PTPRN2: variants seen among roughly 807,000 people sequenced by gnomAD.
PTPRN2 encodes the protein receptor-type tyrosine-protein phosphatase N2.
In PTPRN2, 74 loss-of-function variants were observed where a neutral mutation model predicts 118.8. The observed-to-expected ratio is 0.62, with a 90% CI of 0.52 to 0.76. PTPRN2 has a LOEUF of 0.76. Ranked by LOEUF, PTPRN2 falls within the 30% of genes least tolerant of loss-of-function variation. PTPRN2 has a pLI of 0.00. For missense variants in PTPRN2, 1,481 were observed against 1,394.4 expected (o/e 1.06, Z -0.99); for synonymous variants, 641 against 608.0 (o/e 1.05, Z -0.80).
At chr7:157,554,644 A>T (rs1256980000) in intron 21 of PTPRN2, among the ~76,000 whole-genome samples, 1 of 152,254 alleles carries the variant, frequency 6.6e-6, no homozygotes, top group Non-Finnish European at 1.5e-5. Context: ...GTTAAATTCC[A>T]GGGAAACAGA....
intron 2 of PTPRN2, among the ~76,000 whole-genome samples, chr7:158,483,971 C>T (rs771606560): frequency 6.6e-6 from 1 of 151,910 alleles, no homozygotes; most frequent in Non-Finnish European, 1.5e-5. Flanking sequence ...GACTCCATCA[C>T]TGCAAAAAAA....
intron 12 of PTPRN2, among the ~76,000 whole-genome samples, chr7:157,704,436 G>A (rs1399342318): frequency 6.6e-6 from 1 of 152,208 alleles, no homozygotes; most frequent in Non-Finnish European, 1.5e-5. Flanking sequence ...ATAGGATTAA[G>A]TAACACAAAT....
intron 3 of PTPRN2, among the ~76,000 whole-genome samples, chr7:158,232,105 T>G (rs1053155627): frequency 2.0e-5 from 3 of 151,392 alleles, no homozygotes; most frequent in Non-Finnish European, 3.0e-5. Context: ...AGGAAAGAAA[T>G]AATACAAATC....
At chr7:158,088,045 G>C (rs1396341048) in intron 10 of PTPRN2, among the ~76,000 whole-genome samples, 1 of 93,470 alleles carries the variant, frequency 1.1e-5, no homozygotes, top group African/African-American at 3.2e-5. Context: ...TTCTTCCCCT[G>C]ATGAAGGAGG....
chr7:157,848,841 G>T (rs114405755), intron 12 of PTPRN2, among the ~76,000 whole-genome samples: 1 of 152,198 alleles, frequency 6.6e-6, no homozygotes, highest in Non-Finnish European at 1.5e-5. Context: ...CAGCAGCCCC[G>T]ACGCCTCTGC....
chr7:158,142,031 G>A (rs538573069), intron 6 of PTPRN2, among the ~76,000 whole-genome samples: 6 of 152,298 alleles, frequency 3.9e-5, no homozygotes, highest in South Asian at 2.1e-4. Flanking sequence ...AGACAGTGGC[G>A]GCTTCTTTAC....
In PTPRN2 at chr7:158,574,461, T is replaced by C. The variant is rs1265591098; in HGVS notation, c.112+13097A>G. Among the ~76,000 whole-genome samples the C allele has an allele frequency of 6.6e-6, 1 of 152,216 alleles. No homozygotes were observed. The highest frequency in any genetic ancestry group is 1.5e-5 in the Non-Finnish European group (1 of 68,034). Reference sequence around the variant, plus strand: ...TCCGGTAAATAAATGCACATTTCTGTTGGTGGCGCCATCAGACACTGAGAC... The same window carrying C: ...TCCGGTAAATAAATGCACATTTCTGCTGGTGGCGCCATCAGACACTGAGAC... On this transcript the variant is annotated intron_variant, in intron 1 of 22. Transcript: ENST00000389418. This position sits in a 1 kb window ranked among gnomAD's most constrained non-coding sequence, Gnocchi z 4.6.
chr7:158,168,382 A>C (rs1178758090), intron 5 of PTPRN2, among the ~76,000 whole-genome samples: 1 of 152,188 alleles, frequency 6.6e-6, no homozygotes, highest in Non-Finnish European at 1.5e-5. Flanking sequence ...CTGGTGGCTA[A>C]TGATGCTGCA....
intron 12 of PTPRN2, among the ~76,000 whole-genome samples, chr7:157,795,279 G>T (rs1460486588): frequency 2.6e-5 from 4 of 151,966 alleles, no homozygotes; most frequent in Admixed American, 2.6e-4. Context: ...TTTGGCAGGA[G>T]GGAGGGTGCT....
chr7:158,231,211 G>A (rs1029482555), intron 3 of PTPRN2, among the ~76,000 whole-genome samples: 3 of 152,156 alleles, frequency 2.0e-5, no homozygotes, highest in African/African-American at 4.8e-5. Flanking sequence ...AGCCTGCAGT[G>A]AGCCATGATC....
At chr7:157,595,092 G>A in intron 17 of PTPRN2, 146 bp downstream of exon 17, 1 of 749,168 alleles carries the variant, frequency 1.3e-6, no homozygotes, top group Non-Finnish European at 2.2e-6. Context: ...TAAAAAATAT[G>A]AACAGACTGA....
chr7:158,415,312 C>T (rs1814563756), intron 2 of PTPRN2, among the ~76,000 whole-genome samples: 1 of 152,210 alleles, frequency 6.6e-6, no homozygotes, highest in South Asian at 2.1e-4. Context: ...TTCAAGAAAC[C>T]CTCCTGCTTT....
intron 2 of PTPRN2, among the ~76,000 whole-genome samples, chr7:158,320,842 C>T (rs1204162150): frequency 2.0e-5 from 3 of 152,166 alleles, no homozygotes; most frequent in Non-Finnish European, 2.9e-5. Context: ...AGGTTCGCTG[C>T]TACCTGCTTG....
At chr7:157,593,400 A>G (rs1259144737) in intron 17 of PTPRN2, among the ~76,000 whole-genome samples, 1 of 152,254 alleles carries the variant, frequency 6.6e-6, no homozygotes, top group East Asian at 1.9e-4. Flanking sequence ...AGTCTTGCAC[A>G]GGTGAGGAGA....
chr7:157,852,946 C>T (rs1383079342), intron 12 of PTPRN2, among the ~76,000 whole-genome samples: 1 of 151,774 alleles, frequency 6.6e-6, no homozygotes, highest in African/African-American at 2.4e-5. Context: ...TCCGGAGTGG[C>T]CATGCCACCA....
Position 158,060,249 on chromosome 7 carries a change from A to G in PTPRN2, c.1723+21049T>C, listed in dbSNP as rs1585301713. Among the ~76,000 whole-genome samples, 3 of 137,720 alleles carry G rather than the reference A, an allele frequency of 2.2e-5. No individual in the cohort carries two copies. In the South Asian group the frequency reaches 7.5e-4, roughly 34 times the overall value. 90.3% of individuals were successfully genotyped at this position (137,720 alleles called of 152,430 possible). A position where few individuals can be genotyped will look rare whatever the true frequency, so the allele number is the denominator to read the frequency against. On this transcript the variant is annotated intron_variant, in intron 11 of 22. Coordinates refer to ENST00000389418, the MANE Select transcript of PTPRN2 (RefSeq NM_002847.5). The stretch of plus-strand genomic sequence containing the variant: ...CCACACTCCATCTGCACACGGTGAC[A>G]CATCACTGCAGCCACACTCCATCTG...
chr7:158,556,546 C>CT (rs1259938961), intron 1 of PTPRN2, among the ~76,000 whole-genome samples: 1 of 137,766 alleles, frequency 7.3e-6, no homozygotes, highest in East Asian at 2.1e-4. Flanking sequence ...GAGCAAAACT[C>CT]TGTTTCAAAA....
chr7:158,071,296 TCG>T (rs1811492040), intron 11 of PTPRN2, among the ~76,000 whole-genome samples: 1 of 98,118 alleles, frequency 1.0e-5, no homozygotes, highest in Admixed American at 9.7e-5. Context: ...GTGGAGGTGC[TCG>T]TGGTGGAGGT....
Position 157,881,112 on chromosome 7 carries a change from G to A in PTPRN2, c.1788+17561C>T, listed in dbSNP as rs542228579. 4.0e-5 allele frequency among the ~76,000 whole-genome samples: 6 copies of A among 148,896 alleles called. No individual in the cohort carries two copies. The highest frequency in any genetic ancestry group is 1.0e-4 in the African/African-American group (4 of 38,506). On this transcript the variant is annotated intron_variant, in intron 12 of 22. Coordinates refer to ENST00000389418, the MANE Select transcript of PTPRN2 (RefSeq NM_002847.5). The surrounding 1 kb of genome is among the most constrained non-coding windows in gnomAD (Gnocchi z 4.7). ...TGTGGAGATGGGGGTGTTTACAGTA[G>A]TCATTATGATAAAATGAAGTCATGA...
Sources: allele counts gnomAD v4.1 joint callset (sites outside exome capture counted in the v4.1 genomes callset), GRCh38; gene constraint gnomAD v4.1.1; non-coding constraint Gnocchi (gnomAD v3.1); transcripts MANE v1.5; gene names NCBI Gene and HGNC (gene_info 2026-07-23, HGNC 2026-07-21).